Variants in KLF12 observed in about 807,000 individuals in gnomAD.
KLF12 encodes KLF transcription factor 12.
A neutral mutation model predicts 37.8 loss-of-function variants in KLF12; 9 were observed. That is an observed-to-expected ratio of 0.24 (90% confidence interval 0.14 to 0.42). KLF12 has a LOEUF of 0.42. Among genes scored for constraint, KLF12 ranks in the 10% least tolerant of loss-of-function variants. KLF12 has a pLI of 1.00. For synonymous variants in KLF12, 208 were observed against 202.1 expected (o/e 1.03, Z -0.25); for missense variants, 411 against 516.0 (o/e 0.80, Z 1.97).
At chr13:73,698,851 C>T (rs903738065) in intron 7 of KLF12, among the ~76,000 whole-genome samples, 5 of 151,890 alleles carry the variant, frequency 3.3e-5, no homozygotes, top group Middle Eastern at 3.4e-3. Flanking sequence ...TTGTAAGCTT[C>T]GTGAATATGT....
chr13:74,065,051 GAT>G (rs1447403204), intron 1 of KLF12, among the ~76,000 whole-genome samples: 1 of 152,034 alleles, frequency 6.6e-6, no homozygotes, highest in Non-Finnish European at 1.5e-5. Flanking sequence ...CTCTGCTTCT[GAT>G]TCATATATAC....
the KLF12 span, among the ~76,000 whole-genome samples, chr13:74,163,585 G>C: frequency 2.6e-5 from 4 of 152,132 alleles, no homozygotes; most frequent in African/African-American, 9.7e-5. Context: ...GAAGGGTTGT[G>C]GGGGTTGGAG....
chr13:74,145,968 C>T, the KLF12 span, among the ~76,000 whole-genome samples: 4 of 152,060 alleles, frequency 2.6e-5, no homozygotes. Flanking sequence ...TTTGAAATTT[C>T]AAATCTAAAA....
chr13:74,077,124 T>C (rs538945334), intron 1 of KLF12, among the ~76,000 whole-genome samples: 53 of 152,358 alleles, frequency 3.5e-4, no homozygotes, highest in Non-Finnish European at 7.2e-4. Flanking sequence ...CATGTGTCTT[T>C]ATGGCAGAAT....
chr13:74,123,345 G>T (rs1006615176), intron 1 of KLF12, among the ~76,000 whole-genome samples: 4 of 152,060 alleles, frequency 2.6e-5, no homozygotes, highest in African/African-American at 9.7e-5. Context: ...AAGAGACTAC[G>T]GCATAAATCT....
chr13:73,794,488 C>T (rs997032145), intron 5 of KLF12, among the ~76,000 whole-genome samples: 7 of 152,038 alleles, frequency 4.6e-5, no homozygotes, highest in Admixed American at 1.3e-4. Context: ...AATAAGGTTA[C>T]GAATACATAA....
At chr13:73,721,544 T>C (rs1876257312) in intron 6 of KLF12, among the ~76,000 whole-genome samples, 1 of 152,148 alleles carries the variant, frequency 6.6e-6, no homozygotes, top group South Asian at 2.1e-4. Flanking sequence ...TATTTTCTTT[T>C]CTCTCCTTTC....
the KLF12 span, among the ~76,000 whole-genome samples, chr13:74,263,261 A>T: frequency 6.6e-6 from 1 of 152,252 alleles, no homozygotes; most frequent in East Asian, 1.9e-4. Flanking sequence ...GAAAAATTAC[A>T]CATAGGTAGT....
At chr13:74,225,069 A>G in the KLF12 span, among the ~76,000 whole-genome samples, 3 of 152,152 alleles carry the variant, frequency 2.0e-5, no homozygotes, top group Non-Finnish European at 4.4e-5. Flanking sequence ...CAAATTAGAG[A>G]TTATCAATGA....
chr13:74,038,312 A>G (rs1293053226), intron 1 of KLF12, among the ~76,000 whole-genome samples: 1 of 152,224 alleles, frequency 6.6e-6, no homozygotes, highest in African/African-American at 2.4e-5. Context: ...AAACACTGTT[A>G]GACATACATG....
chr13:73,895,897 C>T (rs566015199), intron 3 of KLF12, among the ~76,000 whole-genome samples: 34 of 151,584 alleles, frequency 2.2e-4, no homozygotes, highest in Admixed American at 1.1e-3. Context: ...CTGGGCTCAC[C>T]GCAACCTTCG....
intron 3 of KLF12, among the ~76,000 whole-genome samples, chr13:73,902,114 A>G (rs924932204): frequency 6.6e-6 from 1 of 152,238 alleles, no homozygotes; most frequent in African/African-American, 2.4e-5. Context: ...ATGCATAAAG[A>G]TAATTTAAAA....
At chr13:74,112,865 A>G (rs376719117) in intron 1 of KLF12, among the ~76,000 whole-genome samples, 1 of 152,230 alleles carries the variant, frequency 6.6e-6, no homozygotes, top group African/African-American at 2.4e-5. Flanking sequence ...ACAGACCGAA[A>G]GCCAGGCCTC....
chr13:73,709,252 G>C (rs1040420282), intron 7 of KLF12, among the ~76,000 whole-genome samples: 5 of 152,114 alleles, frequency 3.3e-5, no homozygotes, highest in African/African-American at 1.2e-4. Context: ...TGACTGATCA[G>C]GTACTTATAT....
chr13:73,996,257 T>C (rs775413126), intron 1 of KLF12, among the ~76,000 whole-genome samples: 1 of 152,270 alleles, frequency 6.6e-6, no homozygotes, highest in Admixed American at 6.5e-5. Context: ...TTCAATATTA[T>C]AGTGGCAGAC....
At chr13:73,932,340 C>T (rs1889724441) in intron 3 of KLF12, among the ~76,000 whole-genome samples, 2 of 152,146 alleles carry the variant, frequency 1.3e-5, no homozygotes, top group African/African-American at 4.8e-5. Context: ...ACCAATGACA[C>T]TGAACACAGT....
At chr13:74,217,588 G>A in the KLF12 span, among the ~76,000 whole-genome samples, 4 of 152,092 alleles carry the variant, frequency 2.6e-5, no homozygotes, top group Non-Finnish European at 4.4e-5. Context: ...TTAGCCGGGC[G>A]TGGTGGTGTG....
At chr13:73,854,822 C>T (rs905452642) in intron 3 of KLF12, among the ~76,000 whole-genome samples, 3 of 152,174 alleles carry the variant, frequency 2.0e-5, no homozygotes, top group Non-Finnish European at 4.4e-5. Flanking sequence ...ATTATCTCTC[C>T]AATCCTAAAA....
At chr13:74,054,218 G>A (rs917242068) in intron 1 of KLF12, among the ~76,000 whole-genome samples, 1 of 152,100 alleles carries the variant, frequency 6.6e-6, no homozygotes, top group Non-Finnish European at 1.5e-5. Context: ...ACAACTGACA[G>A]GCTTGTGAAG....
Sources: allele counts gnomAD v4.1 joint callset (sites outside exome capture counted in the v4.1 genomes callset), GRCh38; gene constraint gnomAD v4.1.1; transcripts MANE v1.5; gene names NCBI Gene and HGNC (gene_info 2026-07-23, HGNC 2026-07-21).